ZNF28: variants seen among roughly 807,000 people sequenced by gnomAD.
ZNF28 encodes the protein zinc finger protein 28.
In ZNF28, 5 loss-of-function variants were observed where a neutral mutation model predicts 7.2. That is an observed-to-expected ratio of 0.70 (90% confidence interval 0.36 to 1.46). The LOEUF (loss-of-function observed/expected upper bound fraction) is 1.46. Among genes scored for constraint, ZNF28 ranks in the 40% most tolerant of loss-of-function variants. The pLI, the probability that ZNF28 is intolerant of heterozygous loss-of-function variation, is 0.03. For synonymous variants in ZNF28, 288 were observed against 292.4 expected (o/e 0.99, Z 0.15); for missense variants, 879 against 866.6 (o/e 1.01, Z -0.18).
chr19:52,798,734 C>T lies in ZNF28; in HGVS notation c.*954G>A, dbSNP rs551258904. 1.4e-4 allele frequency: 70 copies of T among 514,136 alleles called. No homozygotes were observed. The highest frequency in any genetic ancestry group is 3.9e-4 in the African/African-American group (20 of 50,998). 31.8% of individuals were successfully genotyped at this position (514,136 alleles called of 1,614,324 possible). A position where few individuals can be genotyped will look rare whatever the true frequency, so the allele number is the denominator to read the frequency against. On this transcript the variant is annotated 3_prime_UTR_variant, in exon 4 of 4. Coordinates refer to ENST00000457749, the MANE Select transcript of ZNF28 (RefSeq NM_006969.5). ...TCGATGATGAATAGCAATATATGAACGATATCTGAAAAATCTGTCACATTT... is the reference window on the plus strand; with the variant it reads ...TCGATGATGAATAGCAATATATGAATGATATCTGAAAAATCTGTCACATTT...
Position 52,798,626 on chromosome 19 carries a change from CTCCTA to C in ZNF28, c.*1057_*1061del, listed in dbSNP as rs1294051718. On this transcript the variant is annotated 3_prime_UTR_variant, in exon 4 of 4. Coordinates refer to ENST00000457749, the MANE Select transcript of ZNF28 (RefSeq NM_006969.5). ...TGTGAGTTTCTCTCCTGTATGAATC[CTCCTA>C]TGTTTTGCATAGGATGAAACTTGAC... The C allele has an allele frequency of 1.3e-5, 2 of 148,410 alleles. No individual in the cohort carries two copies. Among genetic ancestry groups the C allele is most frequent in the South Asian group, 3.3e-5 (1 of 30,200 alleles). 9.2% of individuals were successfully genotyped at this position (148,410 alleles called of 1,614,324 possible). A position where few individuals can be genotyped will look rare whatever the true frequency, so the allele number is the denominator to read the frequency against.
At chr19:52,802,461 C>T (rs1030774160) in intron 3 of ZNF28, among the ~76,000 whole-genome samples, 10 of 152,114 alleles carry the variant, frequency 6.6e-5, no homozygotes, top group African/African-American at 9.7e-5. Flanking sequence ...AGGCAGATCA[C>T]CTCACGTCAG....
intron 3 of ZNF28, among the ~76,000 whole-genome samples, 152 bp from the exon 4 acceptor site, chr19:52,801,854 A>T (rs2062876732): frequency 2.6e-5 from 4 of 152,246 alleles, no homozygotes; most frequent in Admixed American, 2.6e-4. Flanking sequence ...AAGATTCTTT[A>T]ATAAATAAAG....
At chr19:52,818,917 T>G (rs1417713950) in intron 1 of ZNF28, among the ~76,000 whole-genome samples, 2 of 135,552 alleles carry the variant, frequency 1.5e-5, no homozygotes, top group South Asian at 2.7e-4. Flanking sequence ...GCATTTCTGA[T>G]GGGACTGACA....
At chr19:52,803,896 G>C (rs1417984088) in intron 3 of ZNF28, among the ~76,000 whole-genome samples, 1 of 152,156 alleles carries the variant, frequency 6.6e-6, no homozygotes, top group East Asian at 1.9e-4. Context: ...GGTGAAGGTT[G>C]CAGTGAGCTG....
intron 2 of ZNF28, chr19:52,809,975 G>A: frequency 1.3e-6 from 1 of 784,522 alleles, no homozygotes; most frequent in East Asian, 2.7e-5. Flanking sequence ...GGAACGGCCT[G>A]GAGTCTGAGG....
chr19:52,811,884 A>G (rs1350935153), intron 2 of ZNF28, among the ~76,000 whole-genome samples: 1 of 89,274 alleles, frequency 1.1e-5, no homozygotes, highest in Admixed American at 1.2e-4. Context: ...TCCGGGAGGG[A>G]GGTGGGGGGG....
Position 52,800,929 on chromosome 19 carries a change from T to C in ZNF28, c.916A>G (p.Lys306Glu), listed in dbSNP as rs1188970310. The C allele has an allele frequency of 6.2e-7, 1 of 1,614,060 alleles. No individual in the cohort carries two copies. The highest frequency in any genetic ancestry group is 2.2e-5 in the East Asian group (1 of 44,890). Residue 306 changes from lysine to glutamate, a missense_variant, in exon 4 of 4, where the codon AAA (lysine) becomes GAA (glutamate). Physicochemically the swap from Lys to Glu is moderately conservative, Grantham distance 56 (BLOSUM62 1). Around this residue, in one of 2 missense-constraint regions of ZNF28, gnomAD observed 864 missense variants for 830.2 expected, o/e 1.04. Coordinates refer to ENST00000457749, the MANE Select transcript of ZNF28 (RefSeq NM_006969.5). ...AGGTGTGATTTGCGACTGAAAACTTTGTCACATTCTTCACATTCATAAGGT... is the reference window on the plus strand; with the variant it reads ...AGGTGTGATTTGCGACTGAAAACTTCGTCACATTCTTCACATTCATAAGGT... Reference protein sequence around the residue: ...DKPYECEECDKVFSRKSHLET... With the variant: ...DKPYECEECDEVFSRKSHLET...
rs767850013 is a variant in ZNF28 at position 52,818,005 on chromosome 19, C to G, written c.-47G>C. ...CTTCCTCTTCTGGGTTTCTTCCTCA[C>G]GTACCAAGATTCTTTAGAAGTCAAT... On this transcript the variant is annotated 5_prime_UTR_variant, in exon 2 of 4. Coordinates refer to ENST00000457749, the MANE Select transcript of ZNF28 (RefSeq NM_006969.5). 4 of 1,609,660 alleles carry G rather than the reference C, an allele frequency of 2.5e-6. No homozygotes were observed. The highest frequency in any genetic ancestry group is 2.5e-6 in the Non-Finnish European group (3 of 1,179,192).
chr19:52,800,860 A>C lies in ZNF28; in HGVS notation c.985T>G (p.Cys329Gly). The C allele has an allele frequency of 1.2e-6, 2 of 1,614,084 alleles. No homozygotes were observed. The highest frequency in any genetic ancestry group is 1.7e-6 in the Non-Finnish European group (2 of 1,179,972). ...IIYTGGKPYK[C>G]KVCDKAFTCN... is the part of the protein sequence containing the mutation. ...GTGAAAGCTTTGTCACAAACCTTAC[A>C]TTTGTATGGTTTCCCTCCAGTATAA... Residue 329 changes from cysteine to glycine, a missense_variant, in exon 4 of 4, where the codon TGT becomes GGT. Physicochemically the swap from Cys to Gly is radical, Grantham distance 159. Around this residue, in one of 2 missense-constraint regions of ZNF28, gnomAD observed 864 missense variants for 830.2 expected, o/e 1.04. Coordinates refer to ENST00000457749, the MANE Select transcript of ZNF28 (RefSeq NM_006969.5).
chr19:52,810,839 G>GATA (rs2063015225), intron 2 of ZNF28: 1 of 148,258 alleles, frequency 6.7e-6, no homozygotes, highest in African/African-American at 6.3e-5. Flanking sequence ...TAAAAAAAGA[G>GATA]TCCCTCTCCC....
intron 3 of ZNF28, among the ~76,000 whole-genome samples, chr19:52,801,910 T>A (rs1351670681): frequency 6.6e-6 from 1 of 152,210 alleles, no homozygotes; most frequent in Non-Finnish European, 1.5e-5. Context: ...GTCTATTTCC[T>A]ATATCATGAC....
At position 52,801,222 on chromosome 19, in the gene ZNF28, A is replaced by G; in HGVS notation, c.623T>C (p.Val208Ala). ...TTGGAAAGATTTTTCTCTCATGTGTACATTCCGTTTTTGTGTGAGTAATGA... is the reference window on the plus strand; with the variant it reads ...TTGGAAAGATTTTTCTCTCATGTGTGCATTCCGTTTTTGTGTGAGTAATGA... ...HSSLLTQKRNVHMREKSFQCI... is the reference protein window; with the variant it reads ...HSSLLTQKRNAHMREKSFQCI... The change falls in exon 4 of 4, where the codon GTA becomes GCA. Residue 208 changes from valine to alanine, a missense_variant. Physicochemically the swap from Val to Ala is moderately conservative, Grantham distance 64. Transcript: ENST00000457749. The G allele has an allele frequency of 6.2e-7, 1 of 1,614,190 alleles. No individual in the cohort carries two copies. Among genetic ancestry groups the G allele is most frequent in the South Asian group, 1.1e-5 (1 of 91,082 alleles).
rs1193295826 is a variant in ZNF28, at chr19:52,799,861, G to A, written c.1984C>T (p.Pro662Ser). 1.9e-6 allele frequency: 3 copies of A among 1,613,884 alleles called. No homozygotes were observed. The highest frequency in any genetic ancestry group is 2.5e-6 in the Non-Finnish European group (3 of 1,180,010). ...TTGCCACATTCATTACACTTGTAAG[G>A]TTTCTCTCCACTATGAAGCCTATGA... Reference protein sequence around the residue: ...YHHRLHSGEKPYKCNECGKVF... With the variant: ...YHHRLHSGEKSYKCNECGKVF... The change falls in exon 4 of 4, where the codon CCT (proline) becomes TCT (serine). Residue 662 changes from proline (P) to serine (S), a missense_variant. Around this residue, in one of 2 missense-constraint regions of ZNF28, gnomAD observed 864 missense variants for 830.2 expected, o/e 1.04. Coordinates refer to ENST00000457749, the MANE Select transcript of ZNF28 (RefSeq NM_006969.5).
chr19:52,821,327 A>C (rs2869889), intron 1 of ZNF28, among the ~76,000 whole-genome samples: 3,196 of 150,874 alleles, frequency 0.021, 55 homozygotes, highest in South Asian at 0.054. Context: ...AGTCAAAAAA[A>C]GGTTTTGAGC....
chr19:52,806,894 T>G (rs56911175), intron 3 of ZNF28, among the ~76,000 whole-genome samples: 15,086 of 151,982 alleles, frequency 0.099, 1,375 homozygotes, highest in African/African-American at 0.23. Context: ...AGAGTGAGAC[T>G]CTGTCATAAA....
Position 52,808,079 on chromosome 19 carries a change from A to AT in ZNF28, c.69dup (p.Cys24MetfsTer19). 1 of 1,613,536 alleles carries AT rather than the reference A, an allele frequency of 6.2e-7. No homozygotes were observed. The highest frequency in any genetic ancestry group is 8.5e-7 in the Non-Finnish European group (1 of 1,179,566). The stretch of plus-strand genomic sequence containing the variant: ...AGAGTCCTCTGAGCAGGGTCCAGGC[A>AT]TTTCCACTCCTCCTGAGAGAATTCT... On this transcript the variant is annotated frameshift_variant, in exon 3 of 4. Coordinates refer to ENST00000457749, the MANE Select transcript of ZNF28 (RefSeq NM_006969.5). LOFTEE classifies it high-confidence loss of function.
Position 52,808,256 on chromosome 19 carries a change from G to A in ZNF28, c.16-123C>T, listed in dbSNP as rs541984586. 1,088 of 1,505,602 alleles carry A rather than the reference G, an allele frequency of 7.2e-4. No individual in the cohort carries two copies. In the Middle Eastern group the frequency reaches 0.013, roughly 17 times the overall value. The allele number at this position is 1,505,602 out of a possible 1,614,324, so 93.3% of individuals were successfully genotyped here. ...GAATGTTCTCACAAATCCGAGTGAC[G>A]GATTTTTCACCACATGATGTTTTTA... On this transcript the variant is annotated intron_variant, in intron 2 of 3. Coordinates refer to ENST00000457749, the MANE Select transcript of ZNF28 (RefSeq NM_006969.5).
At chr19:52,806,172 G>C (rs76309790) in intron 3 of ZNF28, among the ~76,000 whole-genome samples, 2,967 of 144,312 alleles carry the variant, frequency 0.021, 115 homozygotes, top group African/African-American at 0.071. Flanking sequence ...AGAAGAAGAA[G>C]TCATTTTTGC....
Sources: allele counts gnomAD v4.1 joint callset (sites outside exome capture counted in the v4.1 genomes callset), GRCh38; gene constraint gnomAD v4.1.1; regional missense constraint gnomAD v4.1.1; transcripts MANE v1.5; gene names NCBI Gene and HGNC (gene_info 2026-07-23, HGNC 2026-07-21).